ERBB4: variants seen among roughly 807,000 people sequenced by gnomAD.
ERBB4 encodes receptor tyrosine-protein kinase erbB-4.
In ERBB4, 42 loss-of-function variants were observed where a neutral mutation model predicts 158.0. The observed-to-expected ratio is 0.27, with a 90% CI of 0.21 to 0.34. The LOEUF is 0.34. ERBB4 is among the 10% of genes least tolerant of loss of function. The probability of loss-of-function intolerance (pLI) is 1.00; values close to 1 mark genes in which losing one functional copy is unlikely to be tolerated. For synonymous variants in ERBB4, 583 were observed against 558.7 expected, an observed-to-expected ratio of 1.04 and a Z score of -0.61; for missense variants, 1,333 against 1,624.1, an observed-to-expected ratio of 0.82 and a Z score of 3.08.
intron 19 of ERBB4, among the ~76,000 whole-genome samples, chr2:211,587,357 T>C (rs569164389): frequency 4.9e-4 from 74 of 152,136 alleles, no homozygotes; most frequent in Middle Eastern, 3.4e-3. Flanking sequence ...TGTGTCTCAA[T>C]AAATAAAAAG....
At chr2:211,503,527 C>T (rs7569072) in intron 20 of ERBB4, among the ~76,000 whole-genome samples, 3,027 of 152,228 alleles carry the variant, frequency 0.02, 51 homozygotes, top group Middle Eastern at 0.065. Context: ...AGCAGTTCCT[C>T]CTAGTCCAGA....
intron 1 of ERBB4, among the ~76,000 whole-genome samples, chr2:212,388,987 T>A (rs940262704): frequency 2.0e-4 from 31 of 152,268 alleles, no homozygotes; most frequent in African/African-American, 7.5e-4. Flanking sequence ...AATTTGTACC[T>A]GCTTTACAAG....
At chr2:212,079,130 T>C (rs1402935811) in intron 2 of ERBB4, among the ~76,000 whole-genome samples, 3 of 151,238 alleles carry the variant, frequency 2.0e-5, no homozygotes, top group Admixed American at 2.0e-4. Flanking sequence ...AAAATTTTTA[T>C]ATATATGTAT....
intron 1 of ERBB4, among the ~76,000 whole-genome samples, chr2:212,455,160 C>G (rs1361814460): frequency 7.4e-6 from 1 of 135,978 alleles, no homozygotes; most frequent in Non-Finnish European, 1.7e-5. Context: ...ATTCAAGAAA[C>G]AGTAGAGACT....
At chr2:212,093,396 CAAT>C (rs1443437582) in intron 2 of ERBB4, among the ~76,000 whole-genome samples, 28 of 152,158 alleles carry the variant, frequency 1.8e-4, no homozygotes, top group African/African-American at 5.5e-4. Context: ...ACAACAACAA[CAAT>C]AACAACAAGA....
At chr2:211,981,749 T>C (rs915138645) in intron 2 of ERBB4, among the ~76,000 whole-genome samples, 16 of 152,210 alleles carry the variant, frequency 1.1e-4, no homozygotes, top group African/African-American at 3.6e-4. Context: ...ACTGTGGCCG[T>C]TTCTGAAGCC....
At chr2:212,109,142 G>A (rs2079322938) in intron 2 of ERBB4, among the ~76,000 whole-genome samples, 1 of 152,150 alleles carries the variant, frequency 6.6e-6, no homozygotes, top group Non-Finnish European at 1.5e-5. Context: ...ATCTTTGGGT[G>A]CCTACAACAT....
chr2:212,262,689 G>A (rs1320450501), intron 1 of ERBB4, among the ~76,000 whole-genome samples: 6 of 152,044 alleles, frequency 3.9e-5, no homozygotes, highest in South Asian at 2.1e-4. Context: ...CCATTTTACA[G>A]CCATATAAGG....
intron 1 of ERBB4, among the ~76,000 whole-genome samples, chr2:212,532,368 C>T (rs939234238): frequency 6.6e-6 from 1 of 152,218 alleles, no homozygotes; most frequent in Non-Finnish European, 1.5e-5. Flanking sequence ...TGCAGCTTAA[C>T]TACACAGCTC....
chr2:211,742,337 C>A (rs938366658), intron 5 of ERBB4, among the ~76,000 whole-genome samples: 1 of 152,114 alleles, frequency 6.6e-6, no homozygotes, highest in African/African-American at 2.4e-5. Flanking sequence ...AGTTTATTAT[C>A]CAAATAATTT....
chr2:212,237,479 T>C (rs1265331813), intron 1 of ERBB4, among the ~76,000 whole-genome samples: 1 of 152,134 alleles, frequency 6.6e-6, no homozygotes, highest in Non-Finnish European at 1.5e-5. Context: ...ACCTGCCAGA[T>C]GCCAGTTGGA....
At chr2:211,742,614 T>C (rs1343818462) in intron 5 of ERBB4, among the ~76,000 whole-genome samples, 1 of 151,974 alleles carries the variant, frequency 6.6e-6, no homozygotes, top group Non-Finnish European at 1.5e-5. Context: ...CCCTTTACTA[T>C]TAAACTGAAA....
intron 23 of ERBB4, among the ~76,000 whole-genome samples, chr2:211,422,602 C>T (rs1659142126): frequency 1.3e-5 from 2 of 151,372 alleles, no homozygotes; most frequent in Admixed American, 1.3e-4. Flanking sequence ...CAGCAATTTT[C>T]AAGGTATGTA....
chr2:211,657,401 C>A (rs747376560), intron 16 of ERBB4, among the ~76,000 whole-genome samples: 10 of 151,292 alleles, frequency 6.6e-5, no homozygotes, highest in African/African-American at 2.2e-4. Flanking sequence ...CCCAGCTACT[C>A]GGGAGGCTGA....
At chr2:212,484,854 C>A (rs1317027957) in intron 1 of ERBB4, among the ~76,000 whole-genome samples, 2 of 152,148 alleles carry the variant, frequency 1.3e-5, no homozygotes, top group African/African-American at 4.8e-5. Flanking sequence ...ACATGCTGCC[C>A]CTGCTGCCTG....
chr2:211,412,781 C>G (rs1469592555), intron 25 of ERBB4, among the ~76,000 whole-genome samples: 1 of 151,828 alleles, frequency 6.6e-6, no homozygotes, highest in Non-Finnish European at 1.5e-5. Context: ...TGGTGAAACC[C>G]TGTCTCTACT....
intron 2 of ERBB4, among the ~76,000 whole-genome samples, chr2:211,996,673 T>A (rs994796385): frequency 6.6e-6 from 1 of 152,194 alleles, no homozygotes; most frequent in South Asian, 2.1e-4. Flanking sequence ...CAAACCTTGA[T>A]TACTCAGGCC....
chr2:212,076,827 T>C (rs2078289158), intron 2 of ERBB4, among the ~76,000 whole-genome samples: 1 of 151,798 alleles, frequency 6.6e-6, no homozygotes, highest in Admixed American at 6.6e-5. Context: ...TATTCGTCCA[T>C]CAAAAGACAG....
intron 3 of ERBB4, among the ~76,000 whole-genome samples, chr2:211,841,638 T>A (rs1392044536): frequency 7.9e-5 from 12 of 151,980 alleles, no homozygotes; most frequent in Admixed American, 7.9e-4. Context: ...TAATTTTAAA[T>A]TTATCTCCAT....
Sources: allele counts gnomAD v4.1 joint callset (sites outside exome capture counted in the v4.1 genomes callset), GRCh38; gene constraint gnomAD v4.1.1; transcripts MANE v1.5; gene names NCBI Gene and HGNC (gene_info 2026-07-23, HGNC 2026-07-21).